The following BANK1 variants were observed in gnomAD, a reference collection of about 807,000 sequenced individuals.
BANK1 encodes B-cell scaffold protein with ankyrin repeats.
A neutral mutation model predicts 94.5 loss-of-function variants in BANK1; 95 were observed. That is an observed-to-expected ratio of 1.00 (90% CI 0.85 to 1.19). The LOEUF is 1.19. BANK1 is among the 50% of genes most tolerant of loss of function. The pLI is 0.00. For missense variants in BANK1, 987 were observed against 932.2 expected, an observed-to-expected ratio of 1.06 and a Z score of -0.77; for synonymous variants, 334 against 308.4, an observed-to-expected ratio of 1.08 and a Z score of -0.87.
intron 6 of BANK1, among the ~76,000 whole-genome samples, chr4:101,910,974 A>G: frequency 6.6e-6 from 1 of 152,224 alleles, no homozygotes; most frequent in East Asian, 1.9e-4. Flanking sequence ...CAGTGTGTGC[A>G]CTACACATAG....
intron 7 of BANK1, among the ~76,000 whole-genome samples, chr4:101,927,998 G>A (rs1267139038): frequency 1.3e-5 from 2 of 151,536 alleles, no homozygotes; most frequent in African/African-American, 4.8e-5. Flanking sequence ...GCTACTGACA[G>A]GTCAACTAAG....
chr4:101,978,223 A>T (rs1424429274), intron 7 of BANK1, among the ~76,000 whole-genome samples: 1 of 152,096 alleles, frequency 6.6e-6, no homozygotes. Context: ...TCCAGATCAG[A>T]AAATGATGAA....
At chr4:101,995,835 C>T (rs1171381715) in intron 7 of BANK1, among the ~76,000 whole-genome samples, 1 of 152,094 alleles carries the variant, frequency 6.6e-6, no homozygotes, top group Non-Finnish European at 1.5e-5. Context: ...CTTGTAGATT[C>T]TGGATATTAG....
chr4:102,007,083 T>TATATAATTATATATATATAA lies in BANK1; in HGVS notation c.1207-14426_1207-14425insATTATATATATATAAATATA, dbSNP rs1560681953. Among the ~76,000 whole-genome samples the TATATAATTATATATATATAA allele has an allele frequency of 2.2e-3, 158 of 72,212 alleles. 2 individuals are homozygous for TATATAATTATATATATATAA. The highest frequency in any genetic ancestry group is 0.014 in the Middle Eastern group (2 of 144). 47.4% of individuals were successfully genotyped at this position (72,212 alleles called of 152,430 possible). ...ATATATAATTTTATATATATATAAA[T>TATATAATTATATATATATAA]ATATATATAATATATTTATATATAT... On this transcript the variant is annotated intron_variant, in intron 7 of 16. Coordinates refer to ENST00000322953, the MANE Select transcript of BANK1 (RefSeq NM_017935.5).
chr4:101,877,947 A>G (rs1020512709), intron 5 of BANK1, among the ~76,000 whole-genome samples: 3 of 152,198 alleles, frequency 2.0e-5, no homozygotes, highest in Non-Finnish European at 4.4e-5. Flanking sequence ...AATAAATACA[A>G]TGGGCACACA....
intron 7 of BANK1, among the ~76,000 whole-genome samples, chr4:101,932,060 G>T (rs908946701): frequency 6.6e-6 from 1 of 151,474 alleles, no homozygotes; most frequent in Non-Finnish European, 1.5e-5. Context: ...AGTATTTTAA[G>T]AAAGTAAAGG....
chr4:101,793,207 AG>A (rs775491259), intron 1 of BANK1, among the ~76,000 whole-genome samples: 20 of 152,234 alleles, frequency 1.3e-4, no homozygotes, highest in Non-Finnish European at 2.4e-4. Context: ...TATACTTGTA[AG>A]GAACATGGTT....
chr4:101,998,016 C>T (rs143744841), intron 7 of BANK1, among the ~76,000 whole-genome samples: 9 of 152,060 alleles, frequency 5.9e-5, no homozygotes, highest in Non-Finnish European at 1.0e-4. Flanking sequence ...GTAAGAGTGG[C>T]GATTTTAGAT....
chr4:101,889,293 C>A (rs967230071), intron 5 of BANK1, among the ~76,000 whole-genome samples: 1 of 151,724 alleles, frequency 6.6e-6, no homozygotes, highest in South Asian at 2.1e-4. Context: ...TCTGCATTTT[C>A]TCCCTATTTT....
At chr4:102,004,091 T>A (rs1306313389) in intron 7 of BANK1, among the ~76,000 whole-genome samples, 2 of 152,042 alleles carry the variant, frequency 1.3e-5, no homozygotes, top group Admixed American at 6.6e-5. Flanking sequence ...TCACCTGGCC[T>A]GTTATATATT....
intron 14 of BANK1, 25 bp from the exon 15 acceptor site, chr4:102,072,320 G>T: frequency 6.7e-7 from 1 of 1,502,426 alleles, no homozygotes; most frequent in Non-Finnish European, 9.2e-7. Flanking sequence ...GAATAAAGAG[G>T]TAATAACTGA....
At position 101,996,214 on chromosome 4, in the gene BANK1, G is replaced by A. The variant is rs138070158; in HGVS notation, c.1207-25300G>A. Reference sequence around the variant, plus strand: ...TTTCCCCATTGCTTATTTTTTCGAGGTTTGTCAAAGATCAGATGGTTGTAG... The same window carrying A: ...TTTCCCCATTGCTTATTTTTTCGAGATTTGTCAAAGATCAGATGGTTGTAG... On this transcript the variant is annotated intron_variant, in intron 7 of 16. Coordinates refer to ENST00000322953, the MANE Select transcript of BANK1 (RefSeq NM_017935.5). Among the ~76,000 whole-genome samples, 617 of 152,172 alleles carry A rather than the reference G, an allele frequency of 4.1e-3. 5 individuals are homozygous for A. The highest frequency in any genetic ancestry group is 0.014 in the Middle Eastern group (4 of 294).
intron 1 of BANK1, among the ~76,000 whole-genome samples, chr4:101,804,161 C>G (rs988330299): frequency 5.3e-5 from 7 of 133,196 alleles, no homozygotes; most frequent in African/African-American, 1.9e-4. Flanking sequence ...AACATAGTCA[C>G]AAAAATACAG....
chr4:101,831,974 T>G (rs572785861), intron 2 of BANK1, among the ~76,000 whole-genome samples: 4 of 152,234 alleles, frequency 2.6e-5, no homozygotes, highest in Admixed American at 2.6e-4. Flanking sequence ...TAACAGGGCT[T>G]ACATTGTTGA....
In BANK1 at chr4:101,829,968, T is replaced by G. The variant is rs963013769; in HGVS notation, c.231T>G (p.Ser77=). Residue 77 remains serine, a synonymous_variant, in exon 2 of 17, where the codon TCT becomes TCG. Coordinates refer to ENST00000322953, the MANE Select transcript of BANK1 (RefSeq NM_017935.5). ...ATTTGGAGTTGCTGAACTTAACGTC[T>G]TACAAATGTAAACTTTTGATATTAT... The part of the protein sequence containing the change: ...FRHLELLNLT[S]YKCKLLILSN... 6.2e-7 allele frequency: 1 copy of G among 1,613,828 alleles called. No individual in the cohort carries two copies. Among genetic ancestry groups the G allele is most frequent in the African/African-American group, 1.3e-5 (1 of 74,922 alleles).
At chr4:101,924,164 T>A (rs1040518708) in intron 7 of BANK1, among the ~76,000 whole-genome samples, 3 of 151,810 alleles carry the variant, frequency 2.0e-5, no homozygotes, top group Non-Finnish European at 2.9e-5. Flanking sequence ...AATATATTAT[T>A]TAGAAAAACT....
chr4:102,021,327 G>A (rs1043586183), intron 7 of BANK1, among the ~76,000 whole-genome samples, 187 bp from the exon 8 acceptor site: 2 of 151,880 alleles, frequency 1.3e-5, no homozygotes, highest in African/African-American at 4.8e-5. Flanking sequence ...TATTATAAAT[G>A]TACTATTTCC....
chr4:102,010,881 A>G (rs1409447816), intron 7 of BANK1, among the ~76,000 whole-genome samples: 3 of 152,216 alleles, frequency 2.0e-5, no homozygotes, highest in African/African-American at 7.2e-5. Context: ...ATGATTCATA[A>G]CAATGTAAAA....
intron 7 of BANK1, among the ~76,000 whole-genome samples, chr4:101,967,754 G>C (rs1724812957): frequency 6.6e-6 from 1 of 151,922 alleles, no homozygotes; most frequent in Non-Finnish European, 1.5e-5. Context: ...TTACTCCCAA[G>C]AAAGGACCAA....
Sources: gnomAD v4.1 joint callset for allele counts (sites outside exome capture counted in the v4.1 genomes callset) on GRCh38, gnomAD v4.1.1 for gene constraint, MANE v1.5 for transcripts, NCBI Gene and HGNC (gene_info 2026-07-23, HGNC 2026-07-21) for gene names.